The following SIM1 variants were observed in gnomAD, a reference collection of about 807,000 sequenced individuals.
SIM1 encodes the protein single-minded homolog 1.
SIM1 carries 18 observed loss-of-function variants against 78.2 expected under a neutral mutation model. That is an observed-to-expected ratio of 0.23 (90% confidence interval 0.16 to 0.34). The LOEUF is 0.34. Ranked by LOEUF, SIM1 falls within the 10% of genes least tolerant of loss-of-function variation. SIM1 has a pLI of 1.00. For missense variants in SIM1, 939 were observed against 975.1 expected, an observed-to-expected ratio of 0.96 and a Z score of 0.49; for synonymous variants, 417 against 385.2, an observed-to-expected ratio of 1.08 and a Z score of -0.97.
chr6:100,413,933 G>T (rs1771331382), intron 10 of SIM1, among the ~76,000 whole-genome samples: 1 of 152,090 alleles, frequency 6.6e-6, no homozygotes, highest in Admixed American at 6.6e-5. Context: ...CTTTCTCTAT[G>T]CTCCTTTACC....
intron 9 of SIM1, among the ~76,000 whole-genome samples, chr6:100,438,532 T>C (rs563800281): frequency 6.6e-6 from 1 of 152,270 alleles, no homozygotes; most frequent in East Asian, 1.9e-4. Flanking sequence ...ATTAGTACAA[T>C]CACTATAGAA....
chr6:100,393,551 G>A lies in SIM1; in HGVS notation c.1506C>T (p.Ser502=). The change falls in exon 11 of 12, where the codon TCC becomes TCT. Residue 502 remains serine, a synonymous_variant. Coordinates refer to ENST00000369208, the MANE Select transcript of SIM1 (RefSeq NM_005068.3). ...TTTCATAGGCTTCTCTGCTTTCTGG[G>A]GAGGCCTTTGTCAGGGGCAAGGCTG... ...SRAALPLTKA[S]PESREAYENS... 6.2e-7 allele frequency: 1 copy of A among 1,605,034 alleles called. No homozygotes were observed.
chr6:100,436,740 G>GTT lies in SIM1; in HGVS notation c.998+10527_998+10528insAA, dbSNP rs1405680369. Among the ~76,000 whole-genome samples the GTT allele has an allele frequency of 2.3e-3, 310 of 133,342 alleles. 2 individuals carry two copies. Among genetic ancestry groups the GTT allele is most frequent in the Non-Finnish European group, 3.8e-3 (238 of 62,178 alleles). 87.5% of individuals were successfully genotyped at this position (133,342 alleles called of 152,430 possible). On this transcript the variant is annotated intron_variant, in intron 9 of 11. Coordinates refer to ENST00000369208, the MANE Select transcript of SIM1 (RefSeq NM_005068.3). ...TATTTTGTTTTTGTTTTTGTTTTTG[G>GTT]TATTTTTTTTTTTTTTTGAGATGGC...
chr6:100,422,685 C>A (rs1349070186), intron 9 of SIM1, among the ~76,000 whole-genome samples: 1 of 151,956 alleles, frequency 6.6e-6, no homozygotes, highest in Non-Finnish European at 1.5e-5. Context: ...AAAGTATTTT[C>A]ACCACACACA....
chr6:100,448,465 C>T lies in SIM1; in HGVS notation c.743+14G>A, dbSNP rs752577075. On this transcript the variant is annotated intron_variant, in intron 7 of 11. Transcript: ENST00000369208. ...TCAGGCTAGGAGAGGCCCTTTCCGG[C>T]CCTGCCCACCCACCTGGAGTCCAGA... 4 of 1,612,334 alleles carry T rather than the reference C, an allele frequency of 2.5e-6. No individual in the cohort carries two copies. In the South Asian group the frequency reaches 3.3e-5, roughly 13 times the overall value.
chr6:100,447,456 G>A (rs756794880), intron 8 of SIM1, 41 bp from the exon 9 acceptor site: 3 of 1,612,724 alleles, frequency 1.9e-6, no homozygotes, highest in Admixed American at 1.7e-5. Flanking sequence ...GAACCAGCCT[G>A]CCTGGGACTG....
chr6:100,447,489 G>C (rs1184705892), intron 8 of SIM1, 74 bp from the exon 9 acceptor site: 2 of 1,569,822 alleles, frequency 1.3e-6, no homozygotes, highest in Non-Finnish European at 1.7e-6. Flanking sequence ...ATCCCTGGTG[G>C]TAAGAATTGA....
intron 9 of SIM1, among the ~76,000 whole-genome samples, chr6:100,438,473 G>T (rs569070665): frequency 6.6e-6 from 1 of 152,298 alleles, no homozygotes; most frequent in South Asian, 2.1e-4. Context: ...AGATATTGGT[G>T]TAAGTGTGGT....
chr6:100,453,651 G>GT (rs1562257383), intron 3 of SIM1, 111 bp downstream of exon 3: 2 of 788,722 alleles, frequency 2.5e-6, no homozygotes, highest in Non-Finnish European at 4.0e-6. Context: ...TTGTGGGGGG[G>GT]GTTGTTTGTT....
chr6:100,394,631 T>G (rs929029058), intron 10 of SIM1, among the ~76,000 whole-genome samples: 2 of 152,122 alleles, frequency 1.3e-5, no homozygotes, highest in African/African-American at 4.8e-5. Context: ...TCTTGAACTC[T>G]GGAGTTCAAG....
At chr6:100,448,453 G>A (rs1194426049) in intron 7 of SIM1, 26 bp downstream of exon 7, 2 of 1,609,210 alleles carry the variant, frequency 1.2e-6, no homozygotes, top group East Asian at 2.2e-5. Context: ...GGCTAGGAGA[G>A]GCCCTTTCCG....
At chr6:100,428,317 G>A (rs1471676413) in intron 9 of SIM1, among the ~76,000 whole-genome samples, 1 of 152,126 alleles carries the variant, frequency 6.6e-6, no homozygotes, top group Non-Finnish European at 1.5e-5. Flanking sequence ...TAGAAAGATA[G>A]TGTTTTAGAT....
At chr6:100,421,327 T>C (rs563936139) in intron 9 of SIM1, among the ~76,000 whole-genome samples, 1 of 152,300 alleles carries the variant, frequency 6.6e-6, no homozygotes, top group Non-Finnish European at 1.5e-5. Flanking sequence ...ATAAGGAGAA[T>C]GTCTACTTTC....
Position 100,449,439 on chromosome 6 carries a change from A to G in SIM1, c.467T>C (p.Ile156Thr). The change falls in exon 6 of 12, where the codon ATC (isoleucine) becomes ACC (threonine). Residue 156 changes from isoleucine to threonine, a missense_variant. Ile to Thr is a moderately conservative substitution (Grantham distance 89). Coordinates refer to ENST00000369208, the MANE Select transcript of SIM1 (RefSeq NM_005068.3). The stretch of plus-strand genomic sequence containing the variant: ...CATCCTCAGGAAGAAGGAGCGCTCG[A>G]TCTCATACTCTGGGAGAGAGGAACG... ...YHSHFVQEYE[I>T]ERSFFLRMKC... 1 of 1,613,990 alleles carries G rather than the reference A, an allele frequency of 6.2e-7. No homozygotes were observed. The highest frequency in any genetic ancestry group is 8.5e-7 in the Non-Finnish European group (1 of 1,179,860).
chr6:100,394,565 A>G (rs559520356), intron 10 of SIM1, among the ~76,000 whole-genome samples: 9 of 152,122 alleles, frequency 5.9e-5, no homozygotes, highest in African/African-American at 2.2e-4. Flanking sequence ...AACAATACAC[A>G]GCTAATTTTT....
At chr6:100,447,786 C>T (rs748005786) in intron 8 of SIM1, among the ~76,000 whole-genome samples, 2 of 152,242 alleles carry the variant, frequency 1.3e-5, no homozygotes, top group African/African-American at 2.4e-5. Context: ...CAAAGCAAAG[C>T]TGTATCAAAA....
chr6:100,451,628 A>G (rs1377143428), intron 3 of SIM1, among the ~76,000 whole-genome samples: 1 of 152,206 alleles, frequency 6.6e-6, no homozygotes, highest in African/African-American at 2.4e-5. Context: ...AGAGATGGTC[A>G]AGCCTGAAAT....
intron 3 of SIM1, among the ~76,000 whole-genome samples, chr6:100,453,557 A>C (rs368829310): frequency 6.6e-6 from 1 of 151,952 alleles, no homozygotes; most frequent in Admixed American, 6.6e-5. Flanking sequence ...CAGCCTCTTG[A>C]GGCATCATCT....
intron 5 of SIM1, 50 bp from the exon 6 acceptor site, chr6:100,449,498 T>A (rs1341714078): frequency 1.9e-6 from 3 of 1,587,482 alleles, no homozygotes; most frequent in African/African-American, 2.7e-5. Flanking sequence ...ACCGGCGGCG[T>A]GGGACAGCAC....
Sources: gnomAD v4.1 joint callset for allele counts (sites outside exome capture counted in the v4.1 genomes callset) on GRCh38, gnomAD v4.1.1 for gene constraint, MANE v1.5 for transcripts, NCBI Gene and HGNC (gene_info 2026-07-23, HGNC 2026-07-21) for gene names.